Variants in ZNF486 observed in about 807,000 individuals in gnomAD.
The protein encoded by ZNF486 is KRAB box only protein 2.
In ZNF486, 12 loss-of-function variants were observed where a neutral mutation model predicts 12.8. The ratio of observed to expected loss-of-function variants is 0.94; its 90% CI spans 0.60 to 1.52. The LOEUF is 1.52. Among genes scored for constraint, ZNF486 ranks in the 40% most tolerant of loss-of-function variants. The pLI, the probability that ZNF486 is intolerant of heterozygous loss-of-function variation, is 0.00. For synonymous variants in ZNF486, 231 were observed against 184.9 expected (o/e 1.25, Z -2.02); for missense variants, 738 against 545.0 (o/e 1.35, Z -3.53).
In ZNF486 at chr19:20,186,090, C is replaced by T. The variant is rs371664166; in HGVS notation, c.253+8C>T. The T allele has an allele frequency of 1.3e-5, 21 of 1,571,068 alleles. No homozygotes were observed. Among genetic ancestry groups the T allele is most frequent in the South Asian group, 6.0e-5 (5 of 83,246 alleles). Reference sequence around the variant, plus strand: ...TGATTGCCAAACCCCCAGGTAGGTGCGAATGAAAATGAACACAACAGACAA... The same window carrying T: ...TGATTGCCAAACCCCCAGGTAGGTGTGAATGAAAATGAACACAACAGACAA... On this transcript the variant is annotated splice_region_variant and intron_variant, in intron 3 of 3. Coordinates refer to ENST00000335117, the MANE Select transcript of ZNF486 (RefSeq NM_052852.4).
At chr19:20,169,888 GTTTTT>G (rs781968530) in intron 1 of ZNF486, among the ~76,000 whole-genome samples, 112 of 108,916 alleles carry the variant, frequency 1.0e-3, no homozygotes, top group African/African-American at 4.2e-3. Flanking sequence ...GGGGTTGTAT[GTTTTT>G]TTTTTTTTTT....
At position 20,197,438 on chromosome 19, in the gene ZNF486, G is replaced by GT; in HGVS notation, c.729dup (p.Gly244TrpfsTer5). The GT allele has an allele frequency of 6.2e-7, 1 of 1,613,626 alleles. No individual in the cohort carries two copies. The highest frequency in any genetic ancestry group is 1.1e-5 in the South Asian group (1 of 91,040). ...GAGAAACCCTACAAATGTGAAGAATGTGGCAAAGTCTTTAAGTACTTCTCT... is the reference window on the plus strand; with the variant it reads ...GAGAAACCCTACAAATGTGAAGAATGTTGGCAAAGTCTTTAAGTACTTCTCT... On this transcript the variant is annotated frameshift_variant, in exon 4 of 4. Coordinates refer to ENST00000335117, the MANE Select transcript of ZNF486 (RefSeq NM_052852.4). LOFTEE classifies it low-confidence loss of function (END_TRUNC).
rs1161848979 is a variant in ZNF486, at chr19:20,199,176, A to C, written c.*1074A>C. 1 of 152,208 alleles carries C rather than the reference A, an allele frequency of 6.6e-6. No homozygotes were observed. The highest frequency in any genetic ancestry group is 1.5e-5 in the Non-Finnish European group (1 of 68,034). The allele number at this position is 152,208 out of a possible 1,614,324, so 9.4% of individuals were successfully genotyped here. On this transcript the variant is annotated 3_prime_UTR_variant, in exon 4 of 4. Coordinates refer to ENST00000335117, the MANE Select transcript of ZNF486 (RefSeq NM_052852.4). ...CCATCACATCTTACTCAACAGAAGAAGGTTCATAAAAGAGCAATTACTGTG... is the reference window on the plus strand; with the variant it reads ...CCATCACATCTTACTCAACAGAAGACGGTTCATAAAAGAGCAATTACTGTG...
At position 20,185,058 on chromosome 19, in the gene ZNF486, C is replaced by T. The variant is rs545438874; in HGVS notation, c.157+576C>T. On this transcript the variant is annotated intron_variant, in intron 2 of 3. Coordinates refer to ENST00000335117, the MANE Select transcript of ZNF486 (RefSeq NM_052852.4). Reference sequence around the variant, plus strand: ...CACAGGAGGCAGAGGTTTTGGTGAGCCGAGACTGAGCCATTGCACTCTAGC... The same window carrying T: ...CACAGGAGGCAGAGGTTTTGGTGAGTCGAGACTGAGCCATTGCACTCTAGC... Among the ~76,000 whole-genome samples, 137 of 152,166 alleles carry T rather than the reference C, an allele frequency of 9.0e-4. 1 individual carries two copies. The highest frequency in any genetic ancestry group is 2.9e-3 in the African/African-American group (120 of 41,518).
At chr19:20,188,354 A>T (rs1555716793) in intron 3 of ZNF486, 1 of 398,114 alleles carries the variant, frequency 2.5e-6, no homozygotes, top group African/African-American at 2.1e-5. Context: ...TTTTAAAAAC[A>T]CATAACATAA....
chr19:20,177,758 T>G (rs547861495), intron 1 of ZNF486, among the ~76,000 whole-genome samples: 1 of 152,168 alleles, frequency 6.6e-6, no homozygotes, highest in South Asian at 2.1e-4. Flanking sequence ...TATTTTTTAG[T>G]AGAGAGGGGG....
chr19:20,195,889 A>AT (rs1201079127), intron 3 of ZNF486, among the ~76,000 whole-genome samples: 61 of 151,290 alleles, frequency 4.0e-4, no homozygotes, highest in African/African-American at 9.9e-4. Flanking sequence ...GTATATCACC[A>AT]TTTTTTTTTA....
chr19:20,195,933 C>T (rs1555717863), intron 3 of ZNF486, among the ~76,000 whole-genome samples: 5 of 152,100 alleles, frequency 3.3e-5, no homozygotes, highest in Non-Finnish European at 7.4e-5. Flanking sequence ...TATCTGGTGT[C>T]TAAAAAAGCC....
intron 1 of ZNF486, among the ~76,000 whole-genome samples, chr19:20,169,752 G>C (rs141038599): frequency 4.6e-5 from 7 of 152,054 alleles, no homozygotes; most frequent in African/African-American, 1.7e-4. Context: ...TTTTTTCCTA[G>C]GGAGGAGCAA....
intron 2 of ZNF486, among the ~76,000 whole-genome samples, chr19:20,185,404 GTTTTTT>G (rs782413355): frequency 7.2e-5 from 5 of 69,606 alleles, no homozygotes; most frequent in African/African-American, 1.9e-4. Context: ...TATTGTTTAT[GTTTTTT>G]TTTTTTTTTT....
intron 1 of ZNF486, among the ~76,000 whole-genome samples, chr19:20,178,520 G>A (rs1427620537): frequency 1.3e-5 from 2 of 152,136 alleles, no homozygotes; most frequent in Non-Finnish European, 2.9e-5. Flanking sequence ...GGGATTACAG[G>A]TGTGAGCCAC....
rs2089978627 is a variant in ZNF486, at chr19:20,197,994, T to A, written c.1284T>A (p.His428Gln). 2.5e-6 allele frequency: 4 copies of A among 1,613,730 alleles called. No homozygotes were observed. Among genetic ancestry groups the A allele is most frequent in the Non-Finnish European group, 2.5e-6 (3 of 1,179,858 alleles). ...ATCTAACTGAACATAAGACAACTCA[T>A]ACTGGAGAGAAACCTTACAAATGTA... is the stretch of plus-strand genomic sequence containing the variant. ...SSNLTEHKTTHTGEKPYKCKE... is the reference protein window; with the variant it reads ...SSNLTEHKTTQTGEKPYKCKE... Residue 428 changes from histidine to glutamine, a missense_variant, in exon 4 of 4, where the codon CAT (histidine) becomes CAA (glutamine). Transcript: ENST00000335117.
intron 3 of ZNF486, among the ~76,000 whole-genome samples, chr19:20,193,462 G>T (rs1431608938): frequency 6.6e-6 from 1 of 151,854 alleles, no homozygotes; most frequent in Non-Finnish European, 1.5e-5. Context: ...GAGTTCGAGA[G>T]CAGCCTGGCC....
Position 20,176,686 on chromosome 19 carries a change from G to C in ZNF486, c.31-7670G>C, listed in dbSNP as rs572153557. On this transcript the variant is annotated intron_variant, in intron 1 of 3. Coordinates refer to ENST00000335117, the MANE Select transcript of ZNF486 (RefSeq NM_052852.4). ...AAAAAAGTACGAAAACCAGTCAGGC[G>C]TGGCGGCGCGCACCTGCAATCGCAG... 4.7e-3 allele frequency: 731 copies of C among 156,572 alleles called. 24 individuals carry two copies. Among genetic ancestry groups the C allele is most frequent in the Admixed American group, 0.04 (613 of 15,374 alleles). The allele number at this position is 156,572 out of a possible 1,614,324, so 9.7% of individuals were successfully genotyped here.
rs146746753 is a variant in ZNF486, at chr19:20,198,123, A to G, written c.*21A>G. 9,546 of 1,517,758 alleles carry G rather than the reference A, an allele frequency of 6.3e-3. 44 individuals carry two copies. Among genetic ancestry groups the G allele is most frequent in the Non-Finnish European group, 7.8e-3 (8,882 of 1,133,924 alleles). 94.0% of individuals were successfully genotyped at this position (1,517,758 alleles called of 1,614,324 possible). ...CGTGACAAAGGATTATTTTATTATT[A>G]TTATTTTTTTGAGAGGTAATTCTGC... On this transcript the variant is annotated 3_prime_UTR_variant, in exon 4 of 4. Coordinates refer to ENST00000335117, the MANE Select transcript of ZNF486 (RefSeq NM_052852.4).
intron 1 of ZNF486, chr19:20,175,338 T>TA (rs1555714513): frequency 6.9e-6 from 1 of 145,948 alleles, no homozygotes; most frequent in African/African-American, 2.5e-5. Context: ...TTAATTTTTT[T>TA]TTTTTTTTTT....
intron 1 of ZNF486, among the ~76,000 whole-genome samples, chr19:20,175,834 A>G (rs901535611): frequency 2.0e-5 from 3 of 152,140 alleles, no homozygotes; most frequent in Non-Finnish European, 4.4e-5. Flanking sequence ...CCCGTTCTCA[A>G]TGAGCTGTTG....
chr19:20,184,235 T>G (rs1271586743), intron 1 of ZNF486, 121 bp from the exon 2 acceptor site: 19 of 1,406,998 alleles, frequency 1.4e-5, no homozygotes, highest in South Asian at 1.3e-4. Context: ...ATTATTTTAT[T>G]GGATAATTTT....
intron 3 of ZNF486, among the ~76,000 whole-genome samples, chr19:20,187,824 T>C (rs1295791943): frequency 1.3e-5 from 2 of 151,956 alleles, no homozygotes; most frequent in Non-Finnish European, 2.9e-5. Context: ...ATAAACTGAT[T>C]TTAGAAGGTA....
Sources: gnomAD v4.1 joint callset for allele counts (sites outside exome capture counted in the v4.1 genomes callset) on GRCh38, gnomAD v4.1.1 for gene constraint, MANE v1.5 for transcripts, NCBI Gene and HGNC (gene_info 2026-07-23, HGNC 2026-07-21) for gene names.